ZNF625: variants seen among roughly 807,000 people sequenced by gnomAD.
The protein encoded by ZNF625 is zinc finger protein 625.
A neutral mutation model predicts 11.1 loss-of-function variants in ZNF625; 8 were observed. That is an observed-to-expected ratio of 0.72 (90% CI 0.42 to 1.30). The LOEUF (loss-of-function observed/expected upper bound fraction) is 1.30. Among genes scored for constraint, ZNF625 ranks in the 50% most tolerant of loss-of-function variants. ZNF625 has a pLI of 0.01. For missense variants in ZNF625, 349 were observed against 447.6 expected, an observed-to-expected ratio of 0.78 and a Z score of 1.99; for synonymous variants, 145 against 153.4, an observed-to-expected ratio of 0.95 and a Z score of 0.41.
intron 3 of ZNF625, 33 bp from the exon 4 acceptor site, chr19:12,146,257 T>C: frequency 6.4e-7 from 1 of 1,563,704 alleles, no homozygotes; most frequent in African/African-American, 1.4e-5. Context: ...CATAATGGGT[T>C]CCTTTATCAC....
At chr19:12,153,079 C>T (rs1568390836) in intron 1 of ZNF625, among the ~76,000 whole-genome samples, 1 of 152,090 alleles carries the variant, frequency 6.6e-6, no homozygotes, top group Non-Finnish European at 1.5e-5. Flanking sequence ...CTAGGCGGGA[C>T]GCGGTGGCTC....
At chr19:12,156,535 C>A in intron 1 of ZNF625, 21 bp downstream of exon 1, 2 of 1,425,192 alleles carry the variant, frequency 1.4e-6, no homozygotes, top group South Asian at 3.2e-5. Flanking sequence ...CGTCTCGGGA[C>A]CCCCGGCCCC....
chr19:12,155,975 C>A (rs1032681252), intron 1 of ZNF625, among the ~76,000 whole-genome samples: 1 of 152,094 alleles, frequency 6.6e-6, no homozygotes, highest in Admixed American at 6.5e-5. Context: ...CTCAGCCCCC[C>A]AGTAGCTGGG....
At position 12,147,815 on chromosome 19, in the gene ZNF625, A is replaced by G. The variant is rs751292323; in HGVS notation, c.4-13T>C. On this transcript the variant is annotated splice_polypyrimidine_tract_variant and intron_variant, in intron 1 of 3. Transcript: ENST00000439556. ...AGACCACTGAATCCTGAAACATCCC[A>G]CATGTGTAAAGAAACATGGGTGAGA... 23 of 1,613,112 alleles carry G rather than the reference A, an allele frequency of 1.4e-5. No individual in the cohort carries two copies. Among genetic ancestry groups the G allele is most frequent in the Non-Finnish European group, 1.9e-5 (22 of 1,179,734 alleles).
chr19:12,152,342 C>T (rs1002876815), intron 1 of ZNF625, among the ~76,000 whole-genome samples: 1 of 151,936 alleles, frequency 6.6e-6, no homozygotes, highest in African/African-American at 2.4e-5. Context: ...AAAGAAAACA[C>T]CTCACCAATA....
rs562405275 is a variant in ZNF625, at chr19:12,156,590, C to T, written c.-32G>A. 30 of 1,362,360 alleles carry T rather than the reference C, an allele frequency of 2.2e-5. No individual in the cohort carries two copies. The East Asian group carries it at 5.7e-4, about 26-fold the overall frequency. The allele number at this position is 1,362,360 out of a possible 1,614,324, so 84.4% of individuals were successfully genotyped here. On this transcript the variant is annotated 5_prime_UTR_variant, in exon 1 of 4. Coordinates refer to ENST00000439556, the MANE Select transcript of ZNF625 (RefSeq NM_145233.4). ...GCTTCCAGGTGTCCTGGCCTCCTCT[C>T]CACGGATCCCTCTAACAGTCCAGTC...
Position 12,149,762 on chromosome 19 carries a change from G to A in ZNF625, c.4-1960C>T, listed in dbSNP as rs1000319240. Among the ~76,000 whole-genome samples, 8 of 150,888 alleles carry A rather than the reference G, an allele frequency of 5.3e-5. No homozygotes were observed. The East Asian group carries it at 7.8e-4, about 15-fold the overall frequency. On this transcript the variant is annotated intron_variant, in intron 1 of 3. Coordinates refer to ENST00000439556, the MANE Select transcript of ZNF625 (RefSeq NM_145233.4). Reference sequence around the variant, plus strand: ...AGAAGTATTTTTTTTTTTTTCAGACGGAGTTTCGCTCTTGTTGCCCAGGCT... The same window carrying A: ...AGAAGTATTTTTTTTTTTTTCAGACAGAGTTTCGCTCTTGTTGCCCAGGCT...
chr19:12,155,382 C>T (rs1249259040), intron 1 of ZNF625, among the ~76,000 whole-genome samples: 3 of 152,150 alleles, frequency 2.0e-5, no homozygotes, highest in Admixed American at 2.0e-4. Context: ...AATCACGTGG[C>T]AGGTAACAGA....
rs1395595594 is a variant in ZNF625, at chr19:12,147,465, A to G, written c.131-10T>C. On this transcript the variant is annotated splice_polypyrimidine_tract_variant and intron_variant, in intron 2 of 3. Coordinates refer to ENST00000439556, the MANE Select transcript of ZNF625 (RefSeq NM_145233.4). Reference sequence around the variant, plus strand: ...TCTTTCCATTTTTTTCCTAAAATACAGAACCAGAAAAATAGTCCTGAATTA... The same window carrying G: ...TCTTTCCATTTTTTTCCTAAAATACGGAACCAGAAAAATAGTCCTGAATTA... 2.6e-6 allele frequency: 4 copies of G among 1,529,380 alleles called. No individual in the cohort carries two copies. The African/African-American group carries it at 5.6e-5, about 21-fold the overall frequency. The allele number at this position is 1,529,380 out of a possible 1,614,324, so 94.7% of individuals were successfully genotyped here. A position where few individuals can be genotyped will look rare whatever the true frequency, so the allele number is the denominator to read the frequency against.
In ZNF625 at chr19:12,145,307, T is replaced by A. The variant is rs2145607373; in HGVS notation, c.1109A>T (p.Lys370Met). The A allele has an allele frequency of 6.2e-7, 1 of 1,605,046 alleles. No individual in the cohort carries two copies. Among genetic ancestry groups the A allele is most frequent in the East Asian group, 2.2e-5 (1 of 44,710 alleles). The change falls in exon 4 of 4, where the codon AAG becomes ATG. Residue 370 changes from lysine to methionine, a missense_variant. Physicochemically the swap from Lys to Met is moderately conservative, Grantham distance 95. Coordinates refer to ENST00000439556, the MANE Select transcript of ZNF625 (RefSeq NM_145233.4). ...GGAATCTTATGTGAATTAAGCAATC[T>A]TCTCGCCTTGGCCTTTCGAAGTGTT... ...SSNTSKGQGE[K>M]IA is the part of the protein sequence containing the mutation.
At chr19:12,154,320 T>C (rs917593500) in intron 1 of ZNF625, among the ~76,000 whole-genome samples, 3 of 152,178 alleles carry the variant, frequency 2.0e-5, no homozygotes, top group Non-Finnish European at 4.4e-5. Context: ...CCTGCCTCAG[T>C]GTCCCTTGTA....
chr19:12,146,162 G>A lies in ZNF625; in HGVS notation c.254C>T (p.Thr85Ile), dbSNP rs1976869719. 3.1e-6 allele frequency: 5 copies of A among 1,614,036 alleles called. No homozygotes were observed. Among genetic ancestry groups the A allele is most frequent in the South Asian group, 1.1e-5 (1 of 91,088 alleles). ...KKDHQHGEILTQVPDDMLKKK... is the reference protein window; with the variant it reads ...KKDHQHGEILIQVPDDMLKKK... ...CTTCAGCATGTCATCTGGAACCTGG[G>A]TCAAAATTTCTCCATGCTGATGATC... Residue 85 changes from threonine (T) to isoleucine (I), a missense_variant, in exon 4 of 4, where the codon ACC (threonine) becomes ATC (isoleucine). Coordinates refer to ENST00000439556, the MANE Select transcript of ZNF625 (RefSeq NM_145233.4).
At chr19:12,150,617 A>C (rs1259288416) in intron 1 of ZNF625, among the ~76,000 whole-genome samples, 1 of 152,180 alleles carries the variant, frequency 6.6e-6, no homozygotes, top group African/African-American at 2.4e-5. Context: ...GACCCACATC[A>C]CAACTGTCCT....
intron 1 of ZNF625, among the ~76,000 whole-genome samples, chr19:12,151,180 A>G (rs1976949025): frequency 6.6e-6 from 1 of 151,686 alleles, no homozygotes; most frequent in Non-Finnish European, 1.5e-5. Context: ...CTCAGCTGCT[A>G]AGATCAGCTA....
intron 1 of ZNF625, among the ~76,000 whole-genome samples, chr19:12,150,204 A>G (rs1354232590): frequency 6.6e-6 from 1 of 152,212 alleles, no homozygotes; most frequent in Non-Finnish European, 1.5e-5. Context: ...ATCATGGTGG[A>G]CACACTGATG....
intron 1 of ZNF625, among the ~76,000 whole-genome samples, chr19:12,148,170 G>A (rs1976903896): frequency 6.6e-6 from 1 of 152,010 alleles, no homozygotes; most frequent in Non-Finnish European, 1.5e-5. Flanking sequence ...AGTAGAGATG[G>A]GGTTTTACCA....
intron 1 of ZNF625, 104 bp downstream of exon 1, chr19:12,156,452 G>T: frequency 1.0e-6 from 1 of 995,504 alleles, no homozygotes. Context: ...CCGCTCTGCA[G>T]ACCCGAAGTC....
In ZNF625 at chr19:12,147,440, T is replaced by A. The variant is rs1976892912; in HGVS notation, c.146A>T (p.Asp49Val). The change falls in exon 3 of 4, where the codon GAT becomes GTT. Residue 49 changes from aspartate to valine, a missense_variant. By Grantham distance (152) the Asp-to-Val change is radical. Coordinates refer to ENST00000439556, the MANE Select transcript of ZNF625 (RefSeq NM_145233.4). ...NLASVGKKWK[D>V]QKIEDEYKNP... The stretch of plus-strand genomic sequence containing the variant: ...TTTGTACTCATCTTCAATTTTCTGA[T>A]CTTTCCATTTTTTTCCTAAAATACA... 1 of 1,532,092 alleles carries A rather than the reference T, an allele frequency of 6.5e-7. No homozygotes were observed. Among genetic ancestry groups the A allele is most frequent in the East Asian group, 2.4e-5 (1 of 40,886 alleles). 94.9% of individuals were successfully genotyped at this position (1,532,092 alleles called of 1,614,324 possible).
chr19:12,153,059 AAAC>A (rs1286574830), intron 1 of ZNF625, among the ~76,000 whole-genome samples: 1 of 152,050 alleles, frequency 6.6e-6, no homozygotes, highest in African/African-American at 2.4e-5. Flanking sequence ...CCAGGTCAGA[AAAC>A]AAAAGCCTAG....
Sources: allele counts gnomAD v4.1 joint callset (sites outside exome capture counted in the v4.1 genomes callset), GRCh38; gene constraint gnomAD v4.1.1; transcripts MANE v1.5; gene names NCBI Gene and HGNC (gene_info 2026-07-23, HGNC 2026-07-21).